RGS5: variants seen among roughly 807,000 people sequenced by gnomAD.
The protein encoded by RGS5 is regulator of G protein signaling 5.
Under a neutral mutation model 18.9 loss-of-function variants are expected in RGS5, and 20 were observed. The observed-to-expected ratio is 1.06, with a 90% CI of 0.74 to 1.54. RGS5 has a LOEUF of 1.54. Ranked by LOEUF, RGS5 falls within the 40% of genes most tolerant of loss-of-function variation. The pLI is 0.00. For synonymous variants in RGS5, 57 were observed against 76.2 expected, an observed-to-expected ratio of 0.75 and a Z score of 1.31; for missense variants, 201 against 211.8, an observed-to-expected ratio of 0.95 and a Z score of 0.32.
chr1:163,276,005 C>CTT (rs201739099), intron 2 of RGS5, among the ~76,000 whole-genome samples: 1 of 149,324 alleles, frequency 6.7e-6, no homozygotes, highest in Non-Finnish European at 1.5e-5. Flanking sequence ...GTGGCACATT[C>CTT]TTTTTTTTTT....
At chr1:163,267,317 G>C (rs1363141432) in intron 2 of RGS5, 1 of 152,150 alleles carries the variant, frequency 6.6e-6, no homozygotes, top group Non-Finnish European at 1.5e-5. Flanking sequence ...CAGGCACCTT[G>C]AACTTGCACT....
chr1:163,253,790 T>C (rs12082432), intron 2 of RGS5, among the ~76,000 whole-genome samples: 15 of 143,352 alleles, frequency 1.0e-4, no homozygotes, highest in African/African-American at 2.4e-4. Context: ...CCTAAAGCTA[T>C]CCCTCCCCCC....
chr1:163,181,826 C>T (rs1658859403), intron 1 of RGS5, among the ~76,000 whole-genome samples: 1 of 152,106 alleles, frequency 6.6e-6, no homozygotes, highest in Non-Finnish European at 1.5e-5. Flanking sequence ...GATGATAAGA[C>T]CACAGCTCCG....
chr1:163,168,089 T>C (rs1658131610), intron 2 of RGS5, among the ~76,000 whole-genome samples, 169 bp downstream of exon 2: 2 of 151,698 alleles, frequency 1.3e-5, no homozygotes, highest in Non-Finnish European at 2.9e-5. Context: ...AGACATGAGA[T>C]AGTTGAGAAA....
At chr1:163,164,109 C>G (rs1332005108) in intron 2 of RGS5, among the ~76,000 whole-genome samples, 2 of 152,124 alleles carry the variant, frequency 1.3e-5, no homozygotes, top group African/African-American at 2.4e-5. Context: ...AGGGCACAGT[C>G]AAGTAGGATA....
intron 1 of RGS5, among the ~76,000 whole-genome samples, chr1:163,169,994 C>T (rs531292468): frequency 6.6e-5 from 10 of 152,254 alleles, no homozygotes; most frequent in South Asian, 4.1e-4. Flanking sequence ...TCCTCCATCA[C>T]GGGATGCAAC....
intron 3 of RGS5, chr1:163,161,594 C>A (rs1657799336): frequency 1.3e-5 from 3 of 231,524 alleles, no homozygotes; most frequent in Non-Finnish European, 2.6e-5. Flanking sequence ...AATGTAATTT[C>A]TCTATTTTAC....
upstream of RGS5, among the ~76,000 whole-genome samples, chr1:163,205,106 T>C (rs1004122194): frequency 6.6e-6 from 1 of 152,130 alleles, no homozygotes; most frequent in Non-Finnish European, 1.5e-5. Context: ...CCAGAAAGTA[T>C]GTAAAAGAGT....
chr1:163,288,667 A>G (rs1649206172), intron 2 of RGS5, among the ~76,000 whole-genome samples: 1 of 151,886 alleles, frequency 6.6e-6, no homozygotes, highest in African/African-American at 2.4e-5. Flanking sequence ...CCTTTTAGTG[A>G]TCTCATTCAC....
At chr1:163,165,369 C>T (rs1395968713) in intron 2 of RGS5, among the ~76,000 whole-genome samples, 1 of 152,178 alleles carries the variant, frequency 6.6e-6, no homozygotes, top group African/African-American at 2.4e-5. Flanking sequence ...ATAAAATAAG[C>T]TATATGAATA....
At chr1:163,214,725 C>A (rs888088874) in intron 1 of RGS5, among the ~76,000 whole-genome samples, 7 of 152,218 alleles carry the variant, frequency 4.6e-5, no homozygotes, top group Admixed American at 2.6e-4. Flanking sequence ...ATTCACATTT[C>A]TTTTTCTTTA....
At chr1:163,157,042 AG>A (rs375604556) in intron 3 of RGS5, among the ~76,000 whole-genome samples, 4 of 152,306 alleles carry the variant, frequency 2.6e-5, no homozygotes, top group African/African-American at 9.6e-5. Flanking sequence ...GCAAAAGGGG[AG>A]TGCAAAGATA....
chr1:163,307,944 A>G lies in RGS5; in HGVS notation c.-377-1615T>C, dbSNP rs191639717. 2.4e-3 allele frequency among the ~76,000 whole-genome samples: 371 copies of G among 152,342 alleles called. 3 individuals are homozygous for G. Among genetic ancestry groups the G allele is most frequent in the African/African-American group, 8.7e-3 (361 of 41,574 alleles). ...GAGCAGTAACTGGCAGAAATGAGATAGAAACTTACATCTGTATCAGCCTGC... is the reference window on the plus strand; with the variant it reads ...GAGCAGTAACTGGCAGAAATGAGATGGAAACTTACATCTGTATCAGCCTGC... On this transcript the variant is annotated intron_variant, in intron 1 of 5. Transcript: ENST00000618415.
intron 3 of RGS5, among the ~76,000 whole-genome samples, chr1:163,160,667 T>C (rs1657763753): frequency 6.6e-6 from 1 of 152,180 alleles, no homozygotes; most frequent in Non-Finnish European, 1.5e-5. Context: ...ATAAGGAATG[T>C]TCATATACAA....
intron 1 of RGS5, among the ~76,000 whole-genome samples, chr1:163,209,391 C>G (rs1167196337): frequency 6.6e-6 from 1 of 152,092 alleles, no homozygotes; most frequent in African/African-American, 2.4e-5. Context: ...ACCTTAGTAT[C>G]AAGTCTTTTA....
chr1:163,209,237 C>T (rs1005673000), intron 1 of RGS5, among the ~76,000 whole-genome samples: 2 of 152,100 alleles, frequency 1.3e-5, no homozygotes, highest in African/African-American at 4.8e-5. Flanking sequence ...TAAATTTCCA[C>T]GTGTACTTAA....
At chr1:163,229,505 A>G (rs1647418260) in intron 2 of RGS5, among the ~76,000 whole-genome samples, 1 of 152,232 alleles carries the variant, frequency 6.6e-6, no homozygotes, top group Non-Finnish European at 1.5e-5. Context: ...GAGTAGTAAC[A>G]TTAAAAGTCT....
At chr1:163,171,101 G>T (rs893403834) in intron 1 of RGS5, among the ~76,000 whole-genome samples, 6 of 151,966 alleles carry the variant, frequency 3.9e-5, no homozygotes, top group Non-Finnish European at 7.4e-5. Flanking sequence ...CCCTAGCTTC[G>T]AACATTACAT....
chr1:163,316,901 A>G (rs916442901), intron 1 of RGS5, among the ~76,000 whole-genome samples: 1 of 152,198 alleles, frequency 6.6e-6, no homozygotes, highest in African/African-American at 2.4e-5. Flanking sequence ...AACAAATACT[A>G]ATTGAGTGTG....
Sources: allele counts gnomAD v4.1 joint callset (sites outside exome capture counted in the v4.1 genomes callset), GRCh38; gene constraint gnomAD v4.1.1; transcripts MANE v1.5; gene names NCBI Gene and HGNC (gene_info 2026-07-23, HGNC 2026-07-21).